Variants in PDZD2 observed in about 807,000 individuals in gnomAD.
PDZD2 encodes PDZ domain-containing protein 2.
Under a neutral mutation model 220.7 loss-of-function variants are expected in PDZD2, and 90 were observed. The ratio of observed to expected loss-of-function variants is 0.41; its 90% CI spans 0.34 to 0.49. PDZD2 has a LOEUF of 0.49. Among genes scored for constraint, PDZD2 ranks in the 20% least tolerant of loss-of-function variants. PDZD2 has a pLI of 0.28. For missense variants in PDZD2, 3,174 were observed against 3,608.5 expected (o/e 0.88, Z 3.08); for synonymous variants, 1,375 against 1,450.5 (o/e 0.95, Z 1.18).
Position 31,737,451 on chromosome 5 carries a change from C to T in PDZD2, c.-360-61438C>T, listed in dbSNP as rs193033565. 6.6e-3 allele frequency among the ~76,000 whole-genome samples: 1,001 copies of T among 152,178 alleles called. 5 individuals are homozygous for T. The highest frequency in any genetic ancestry group is 0.023 in the African/African-American group (935 of 41,510). On this transcript the variant is annotated intron_variant, in intron 1 of 24. Coordinates refer to ENST00000438447, the MANE Select transcript of PDZD2 (RefSeq NM_178140.4). Reference sequence around the variant, plus strand: ...CCTCCCAAAGTGCTGGGATTACAGGCGTGAGCTACCGCGCCCGGCCAGAGC... The same window carrying T: ...CCTCCCAAAGTGCTGGGATTACAGGTGTGAGCTACCGCGCCCGGCCAGAGC...
intron 3 of PDZD2, among the ~76,000 whole-genome samples, chr5:31,989,426 T>TTTTTTTTTTTTTTTTTTATTTATTTA (rs1561277958): frequency 6.8e-6 from 1 of 146,390 alleles, no homozygotes; most frequent in African/African-American, 2.6e-5. Flanking sequence ...CTTTTCTTTT[T>TTTTTTTTTTTTTTTTTTATTTATTTA]TTTTTTTTTT....
chr5:31,855,798 A>G (rs1758396213), intron 2 of PDZD2, among the ~76,000 whole-genome samples: 1 of 152,248 alleles, frequency 6.6e-6, no homozygotes, highest in Non-Finnish European at 1.5e-5. Context: ...CCACAAATCA[A>G]AGATATTTAA....
chr5:32,093,570 C>G (rs780771738), intron 21 of PDZD2, among the ~76,000 whole-genome samples: 1 of 152,126 alleles, frequency 6.6e-6, no homozygotes, highest in Non-Finnish European at 1.5e-5. Context: ...TACTGTTGAC[C>G]GGAAACCTTA....
chr5:31,802,620 G>A (rs578137675), intron 2 of PDZD2, among the ~76,000 whole-genome samples: 1 of 152,242 alleles, frequency 6.6e-6, no homozygotes, highest in Admixed American at 6.5e-5. Flanking sequence ...AATCAGATAT[G>A]GTAAAAGATG....
intron 2 of PDZD2, among the ~76,000 whole-genome samples, chr5:31,830,531 A>G (rs1354745163): frequency 6.6e-6 from 1 of 152,052 alleles, no homozygotes; most frequent in Non-Finnish European, 1.5e-5. Flanking sequence ...CTTTTAAAAA[A>G]TTATGAACTA....
At chr5:31,725,338 C>CAAA (rs1215709111) in intron 1 of PDZD2, among the ~76,000 whole-genome samples, 10 of 67,320 alleles carry the variant, frequency 1.5e-4, no homozygotes, top group Non-Finnish European at 1.9e-4. Context: ...AACTCCATCT[C>CAAA]AAAAAAAAAA....
chr5:31,908,416 G>A (rs1742874141), intron 2 of PDZD2: 1 of 523,820 alleles, frequency 1.9e-6, no homozygotes, highest in African/African-American at 2.0e-5. Context: ...CGAGATCCGG[G>A]AGATCTCAGA....
intron 1 of PDZD2, among the ~76,000 whole-genome samples, chr5:31,719,637 G>A (rs1172544037): frequency 1.3e-5 from 2 of 152,188 alleles, no homozygotes; most frequent in Non-Finnish European, 2.9e-5. Flanking sequence ...AAATCCCTGT[G>A]TCTTCTCTAA....
chr5:31,782,707 A>ATT (rs34166035), intron 1 of PDZD2, among the ~76,000 whole-genome samples: 2,663 of 96,450 alleles, frequency 0.028, 83 homozygotes, highest in African/African-American at 0.036. Flanking sequence ...ACCACTTTAG[A>ATT]TTTTTTTTTT....
intron 2 of PDZD2, among the ~76,000 whole-genome samples, chr5:31,888,742 G>A (rs1740747700): frequency 6.6e-6 from 1 of 152,200 alleles, no homozygotes; most frequent in African/African-American, 2.4e-5. Context: ...CATTCCCTGA[G>A]AGAAGTCCGT....
chr5:31,844,539 TGTCAGATTTA>T (rs1157565889), intron 2 of PDZD2, among the ~76,000 whole-genome samples: 2 of 152,240 alleles, frequency 1.3e-5, no homozygotes, highest in African/African-American at 2.4e-5. Flanking sequence ...AAAATAAGAT[TGTCAGATTTA>T]GCAAATGAAA....
Position 32,058,004 on chromosome 5 carries a change from G to A in PDZD2, c.2101G>A (p.Ala701Thr). 1 of 1,612,662 alleles carries A rather than the reference G, an allele frequency of 6.2e-7. No individual in the cohort carries two copies. The highest frequency in any genetic ancestry group is 8.5e-7 in the Non-Finnish European group (1 of 1,178,726). Residue 701 changes from alanine to threonine, a missense_variant, in exon 12 of 25, where the codon GCC becomes ACC. By Grantham distance (58) the Ala-to-Thr change is moderately conservative (BLOSUM62 0). Coordinates refer to ENST00000438447, the MANE Select transcript of PDZD2 (RefSeq NM_178140.4). ...CCCGAACTTCAATACCAGTGGGGGA[G>A]CCTCAGCGGGAGGTTCCGATGAAGG... Reference protein sequence around the residue: ...ASPNFNTSGGASAGGSDEGSS... With the variant: ...ASPNFNTSGGTSAGGSDEGSS...
chr5:31,844,368 A>G (rs1016483639), intron 2 of PDZD2, among the ~76,000 whole-genome samples: 1 of 152,234 alleles, frequency 6.6e-6, no homozygotes, highest in Admixed American at 6.5e-5. Flanking sequence ...TATTCTTGGA[A>G]GCAGATGTCC....
At chr5:31,952,493 G>A (rs1747267742) in intron 2 of PDZD2, among the ~76,000 whole-genome samples, 1 of 152,176 alleles carries the variant, frequency 6.6e-6, no homozygotes, top group East Asian at 1.9e-4. Flanking sequence ...TGAATTATTT[G>A]TTTGCTTATT....
intron 2 of PDZD2, among the ~76,000 whole-genome samples, chr5:31,919,665 AT>A (rs1279605361): frequency 7.2e-6 from 1 of 138,536 alleles, no homozygotes; most frequent in South Asian, 2.6e-4. Flanking sequence ...TTAAGACTTA[AT>A]TTTTTTAGAG....
chr5:31,983,050 CG>C, intron 2 of PDZD2, 104 bp from the exon 3 acceptor site: 2 of 1,169,562 alleles, frequency 1.7e-6, no homozygotes, highest in South Asian at 3.0e-5. Context: ...CTCAGTCCAT[CG>C]GCCAACTGGT....
chr5:32,042,030 ACGG>A (rs1280988014), intron 7 of PDZD2, among the ~76,000 whole-genome samples: 132 of 39,832 alleles, frequency 3.3e-3, no homozygotes, highest in Non-Finnish European at 8.4e-3. Flanking sequence ...CCTGGCTAAC[ACGG>A]TGAAACCCTC....
Position 32,015,046 on chromosome 5 carries a change from A to G in PDZD2, c.1407+4564A>G, listed in dbSNP as rs778933733. On this transcript the variant is annotated intron_variant, in intron 6 of 24. Coordinates refer to ENST00000438447, the MANE Select transcript of PDZD2 (RefSeq NM_178140.4). ...AACCTCCGCCTCCTGGGTTCAAGCA[A>G]TTCTCCTGCCTCAGCCTCCTGAGTA... Among the ~76,000 whole-genome samples the G allele has an allele frequency of 1.1e-4, 16 of 149,800 alleles. No individual in the cohort carries two copies. In the South Asian group the frequency reaches 3.0e-3, roughly 28 times the overall value.
chr5:31,816,170 C>A (rs533802905), intron 2 of PDZD2, among the ~76,000 whole-genome samples: 1 of 151,938 alleles, frequency 6.6e-6, no homozygotes, highest in East Asian at 1.9e-4. Context: ...CGCCTGTAGT[C>A]CCAGCTACTC....
Sources: allele counts gnomAD v4.1 joint callset (sites outside exome capture counted in the v4.1 genomes callset), GRCh38; gene constraint gnomAD v4.1.1; transcripts MANE v1.5; gene names NCBI Gene and HGNC (gene_info 2026-07-23, HGNC 2026-07-21).